The following AAK1 variants were observed in gnomAD, a reference collection of about 807,000 sequenced individuals.
AAK1 encodes AP2 associated kinase 1.
AAK1 carries 37 observed loss-of-function variants against 116.0 expected under a neutral mutation model. The observed-to-expected ratio is 0.32, with a 90% CI of 0.25 to 0.42. The LOEUF (loss-of-function observed/expected upper bound fraction) is 0.42. AAK1 is among the 10% of genes least tolerant of loss of function. AAK1 has a pLI of 1.00. For synonymous variants in AAK1, 458 were observed against 439.9 expected (o/e 1.04, Z -0.51); for missense variants, 919 against 1,170.6 (o/e 0.79, Z 3.14).
At position 69,544,328 on chromosome 2, in the gene AAK1, C is replaced by A. The variant is rs754345089; in HGVS notation, c.391+108G>T. 3.7e-6 allele frequency: 3 copies of A among 809,732 alleles called. No individual in the cohort carries two copies. The Admixed American group carries it at 6.6e-5, about 18-fold the overall frequency. The allele number at this position is 809,732 out of a possible 1,614,324, so 50.2% of individuals were successfully genotyped here. A position where few individuals can be genotyped will look rare whatever the true frequency, so the allele number is the denominator to read the frequency against. On this transcript the variant is annotated intron_variant, in intron 4 of 21. Transcript: ENST00000409085. Reference sequence around the variant, plus strand: ...CTTTTAGTTTTCTCATCTGTCAAACCAGAACATATCATAGAGTGCAGTGCA... The same window carrying A: ...CTTTTAGTTTTCTCATCTGTCAAACAAGAACATATCATAGAGTGCAGTGCA...
At chr2:69,575,219 C>T (rs984393042) in intron 2 of AAK1, among the ~76,000 whole-genome samples, 2 of 151,550 alleles carry the variant, frequency 1.3e-5, no homozygotes, top group Non-Finnish European at 2.9e-5. Context: ...GTTAAGAAGG[C>T]GACCCTCCAA....
rs910164212 is a variant in AAK1 at position 69,458,942 on chromosome 2, T to G, written c.*16927A>C. 6.6e-6 allele frequency: 1 copy of G among 152,394 alleles called. No homozygotes were observed. The highest frequency in any genetic ancestry group is 2.4e-5 in the African/African-American group (1 of 41,456). The allele number at this position is 152,394 out of a possible 1,614,324, so 9.4% of individuals were successfully genotyped here. A position where few individuals can be genotyped will look rare whatever the true frequency, so the allele number is the denominator to read the frequency against. ...TACATATAGTTCCATTATAATGCAA[T>G]GCAGGTAACACTAACTTGATTTCAA... is the stretch of plus-strand genomic sequence containing the variant. On this transcript the variant is annotated 3_prime_UTR_variant, in exon 22 of 22. Coordinates refer to ENST00000409085, the MANE Select transcript of AAK1 (RefSeq NM_014911.5).
At chr2:69,505,125 G>GCGCA (rs1428558446) in intron 16 of AAK1, among the ~76,000 whole-genome samples, 1 of 108,040 alleles carries the variant, frequency 9.3e-6, no homozygotes, top group Admixed American at 1.1e-4. Flanking sequence ...GTGCGTGTGC[G>GCGCA]CACACACACC....
intron 2 of AAK1, among the ~76,000 whole-genome samples, chr2:69,563,487 A>G (rs1046911967): frequency 6.6e-6 from 1 of 152,224 alleles, no homozygotes; most frequent in Non-Finnish European, 1.5e-5. Flanking sequence ...GATTCTAGGC[A>G]CTGAAATCAC....
intron 2 of AAK1, among the ~76,000 whole-genome samples, chr2:69,588,788 T>C (rs1672897469): frequency 6.6e-6 from 1 of 152,188 alleles, no homozygotes; most frequent in East Asian, 1.9e-4. Flanking sequence ...TTTTATCCAA[T>C]GGCACATGTG....
chr2:69,609,457 G>A (rs940472181), intron 2 of AAK1, among the ~76,000 whole-genome samples: 40 of 151,776 alleles, frequency 2.6e-4, no homozygotes, highest in African/African-American at 8.7e-4. Context: ...AGAGGCAGGC[G>A]GATCACCTGA....
rs537395835 is a variant in AAK1 at position 69,551,289 on chromosome 2, T to C, written c.282+5571A>G. 1.2e-3 allele frequency among the ~76,000 whole-genome samples: 178 copies of C among 152,304 alleles called. 1 individual carries two copies. Among genetic ancestry groups the C allele is most frequent in the African/African-American group, 4.1e-3 (172 of 41,556 alleles). Reference sequence around the variant, plus strand: ...ATCAGGAAGAATAGCTAATGGATGCTGGGCTTAATACCTAGGTGATGGGTT... The same window carrying C: ...ATCAGGAAGAATAGCTAATGGATGCCGGGCTTAATACCTAGGTGATGGGTT... On this transcript the variant is annotated intron_variant, in intron 3 of 21. Transcript: ENST00000409085.
At chr2:69,487,402 A>C (rs180684556) in intron 17 of AAK1, among the ~76,000 whole-genome samples, 42 of 152,284 alleles carry the variant, frequency 2.8e-4, no homozygotes, top group African/African-American at 9.6e-4. Flanking sequence ...GAAGAACAGC[A>C]CAGAGAAGAG....
At chr2:69,557,984 T>C (rs910283789) in intron 2 of AAK1, among the ~76,000 whole-genome samples, 3 of 151,982 alleles carry the variant, frequency 2.0e-5, no homozygotes, top group African/African-American at 7.3e-5. Flanking sequence ...AGTATGACAA[T>C]TATTGGGGAG....
In AAK1 at chr2:69,468,032, C is replaced by T; in HGVS notation, c.*7837G>A. On this transcript the variant is annotated 3_prime_UTR_variant, in exon 22 of 22. Coordinates refer to ENST00000409085, the MANE Select transcript of AAK1 (RefSeq NM_014911.5). The stretch of plus-strand genomic sequence containing the variant: ...TCCTTTCTAACAGTTTGAATGCGTT[C>T]AGTGAATTCCAGATTGGGGCGTTAA... 1 of 985,406 alleles carries T rather than the reference C, an allele frequency of 1.0e-6. No individual in the cohort carries two copies. Among genetic ancestry groups the T allele is most frequent in the Non-Finnish European group, 1.2e-6 (1 of 829,918 alleles). The allele number at this position is 985,406 out of a possible 1,614,324, so 61.0% of individuals were successfully genotyped here. A position where few individuals can be genotyped will look rare whatever the true frequency, so the allele number is the denominator to read the frequency against.
At chr2:69,535,548 G>A (rs1022487528) in intron 5 of AAK1, among the ~76,000 whole-genome samples, 10 of 152,148 alleles carry the variant, frequency 6.6e-5, no homozygotes, top group African/African-American at 1.9e-4. Flanking sequence ...GAATACAGCA[G>A]GTGAATGTAT....
chr2:69,603,294 C>T (rs1488101921), intron 2 of AAK1, among the ~76,000 whole-genome samples: 1 of 152,132 alleles, frequency 6.6e-6, no homozygotes, highest in Non-Finnish European at 1.5e-5. Context: ...TCCTCACAGT[C>T]CATGACACTG....
chr2:69,542,380 T>C, intron 5 of AAK1, 143 bp downstream of exon 5: 2 of 1,052,012 alleles, frequency 1.9e-6, no homozygotes, highest in Non-Finnish European at 2.7e-6. Context: ...CCTTTGTTAT[T>C]TTCTCTCCTC....
At chr2:69,518,646 T>G (rs1676690600) in intron 12 of AAK1, among the ~76,000 whole-genome samples, 1 of 152,126 alleles carries the variant, frequency 6.6e-6, no homozygotes, top group South Asian at 2.1e-4. Context: ...CTCGATCTCT[T>G]GACCTCGTGA....
chr2:69,587,436 T>C (rs535122933), intron 2 of AAK1, among the ~76,000 whole-genome samples: 20 of 150,132 alleles, frequency 1.3e-4, no homozygotes, highest in African/African-American at 2.5e-4. Context: ...TATATATACA[T>C]ATGTGTATAT....
At chr2:69,497,851 G>A (rs568216644) in intron 16 of AAK1, among the ~76,000 whole-genome samples, 97 of 152,116 alleles carry the variant, frequency 6.4e-4, no homozygotes, top group African/African-American at 2.2e-3. Flanking sequence ...TGAGATCACC[G>A]ACTCCAGCAC....
At chr2:69,490,591 A>G (rs1675482335) in intron 17 of AAK1, among the ~76,000 whole-genome samples, 2 of 152,068 alleles carry the variant, frequency 1.3e-5, no homozygotes, top group South Asian at 4.1e-4. Flanking sequence ...TTCCACTTAC[A>G]TTCGGTTCCT....
At chr2:69,509,107 C>A in intron 14 of AAK1, 124 bp downstream of exon 14, 2 of 759,190 alleles carry the variant, frequency 2.6e-6, no homozygotes, top group Non-Finnish European at 2.1e-6. Flanking sequence ...TAAACAAACA[C>A]AAGTACACAC....
At position 69,530,602 on chromosome 2, in the gene AAK1, T is replaced by C. The variant is rs774893149; in HGVS notation, c.738+23A>G. On this transcript the variant is annotated intron_variant, in intron 7 of 21. Transcript: ENST00000409085. Reference sequence around the variant, plus strand: ...GTCAAGACTGCTGCTATCTGAGGTATGGATAGGTTACCTGACACCTACCCA... The same window carrying C: ...GTCAAGACTGCTGCTATCTGAGGTACGGATAGGTTACCTGACACCTACCCA... 4.4e-6 allele frequency: 7 copies of C among 1,592,960 alleles called. No individual in the cohort carries two copies. In the South Asian group the frequency reaches 4.4e-5, roughly 10 times the overall value.
Sources: gnomAD v4.1 joint callset for allele counts (sites outside exome capture counted in the v4.1 genomes callset) on GRCh38, gnomAD v4.1.1 for gene constraint, MANE v1.5 for transcripts, NCBI Gene and HGNC (gene_info 2026-07-23, HGNC 2026-07-21) for gene names.